HSPG2: variants seen among roughly 807,000 people sequenced by gnomAD.
The protein encoded by HSPG2 is basement membrane-specific heparan sulfate proteoglycan core protein.
In HSPG2, 278 loss-of-function variants were observed where a neutral mutation model predicts 526.6. The observed-to-expected ratio is 0.53, with a 90% CI of 0.48 to 0.58. The LOEUF is 0.58. HSPG2 is among the 20% of genes least tolerant of loss of function. HSPG2 has a pLI of 0.00. For synonymous variants in HSPG2, 2,465 were observed against 2,555.4 expected, an observed-to-expected ratio of 0.96 and a Z score of 1.07; for missense variants, 5,354 against 6,099.5, an observed-to-expected ratio of 0.88 and a Z score of 4.07.
chr1:21,905,231 C>T (rs1217745727), intron 1 of HSPG2, among the ~76,000 whole-genome samples: 1 of 147,642 alleles, frequency 6.8e-6, no homozygotes, highest in African/African-American at 2.5e-5. Flanking sequence ...TCTATGTAAT[C>T]TGTCTACACA....
At chr1:21,936,546 T>C (rs1489641491) in intron 1 of HSPG2, among the ~76,000 whole-genome samples, 3 of 152,190 alleles carry the variant, frequency 2.0e-5, no homozygotes, top group Non-Finnish European at 1.5e-5. Flanking sequence ...AGAGGTTAAC[T>C]AGCGTGCCCC....
rs560481648 is a variant in HSPG2 at position 21,828,892 on chromosome 1, G to A, written c.12180C>T (p.Ser4060=). ...TGTTGGTGGCCGGGGACAGTGGCACGGAAGGCTCCACACCCCCCAGGTAGA... is the reference window on the plus strand; with the variant it reads ...TGTTGGTGGCCGGGGACAGTGGCACAGAAGGCTCCACACCCCCCAGGTAGA... The part of the protein sequence containing the change: ...TLLYLGGVEP[S]VPLSPATNMS... The change falls in exon 88 of 97, where the codon TCC becomes TCT. Residue 4060 remains serine, a synonymous_variant. Transcript: ENST00000374695. The surrounding 1 kb of genome is among the most constrained non-coding windows in gnomAD (Gnocchi z 6.0). 11 of 1,555,138 alleles carry A rather than the reference G, an allele frequency of 7.1e-6. No homozygotes were observed. Among genetic ancestry groups the A allele is most frequent in the Admixed American group, 3.9e-5 (2 of 51,586 alleles).
chr1:21,908,056 T>G, intron 1 of HSPG2: 1 of 742,012 alleles, frequency 1.3e-6, no homozygotes, highest in East Asian at 2.5e-5. Flanking sequence ...AAGTGTTTGC[T>G]GCCTTTCGGC....
At chr1:21,891,802 G>A (rs1462817908) in intron 3 of HSPG2, among the ~76,000 whole-genome samples, 8 of 152,054 alleles carry the variant, frequency 5.3e-5, no homozygotes, top group Admixed American at 5.2e-4. Context: ...ATAGAGATGG[G>A]GTCTTGCTAT....
Position 21,890,146 on chromosome 1 carries a change from G to A in HSPG2, c.414-5C>T. ...AAAACCCAGCCATCCAGCTCCCTGGGGATGGAGACAGGCAGGAGAGGAGGG... is the reference window on the plus strand; with the variant it reads ...AAAACCCAGCCATCCAGCTCCCTGGAGATGGAGACAGGCAGGAGAGGAGGG... On this transcript the variant is annotated splice_polypyrimidine_tract_variant and splice_region_variant and intron_variant, in intron 5 of 96. Transcript: ENST00000374695. The surrounding 1 kb of genome is among the most constrained non-coding windows in gnomAD (Gnocchi z 4.1). 6.2e-7 allele frequency: 1 copy of A among 1,613,980 alleles called. No individual in the cohort carries two copies. Among genetic ancestry groups the A allele is most frequent in the Non-Finnish European group, 8.5e-7 (1 of 1,179,964 alleles).
chr1:21,907,220 AAG>A (rs1464567780), intron 1 of HSPG2, among the ~76,000 whole-genome samples: 67 of 152,278 alleles, frequency 4.4e-4, no homozygotes, highest in African/African-American at 1.5e-3. Flanking sequence ...CCCAGAGAGA[AAG>A]AGAGCTTCGT....
chr1:21,924,259 A>G (rs565881073), intron 1 of HSPG2, among the ~76,000 whole-genome samples: 1 of 152,220 alleles, frequency 6.6e-6, no homozygotes, highest in Admixed American at 6.5e-5. Context: ...GTCACCAGAC[A>G]TCCTGGAAGA....
At position 21,887,419 on chromosome 1, in the gene HSPG2, C is replaced by A. The variant is rs914396179; in HGVS notation, c.958+1G>T. The A allele has an allele frequency of 2.5e-6, 4 of 1,614,064 alleles. No individual in the cohort carries two copies. The highest frequency in any genetic ancestry group is 3.4e-6 in the Non-Finnish European group (4 of 1,179,970). On this transcript the variant is annotated splice_donor_variant, in intron 8 of 96. Coordinates refer to ENST00000374695, the MANE Select transcript of HSPG2 (RefSeq NM_005529.7). LOFTEE classifies it high-confidence loss of function. The surrounding 1 kb of genome is among the most constrained non-coding windows in gnomAD (Gnocchi z 5.0). ...CCACCTGCACCCCTGCCGGTGCGCA[C>A]CACAGTCTAGCTCATCGCTGCCGTC...
rs770820363 is a variant in HSPG2 at position 21,851,635 on chromosome 1, T to C, written c.7069A>G (p.Thr2357Ala). 2.5e-6 allele frequency: 4 copies of C among 1,613,964 alleles called. No individual in the cohort carries two copies. Among genetic ancestry groups the C allele is most frequent in the Non-Finnish European group, 3.4e-6 (4 of 1,180,018 alleles). ...GGCACCACGCAGTTCAGATCCAGGGTCTGCCCTTCCGCCACTTGCGAGGAG... is the reference window on the plus strand; with the variant it reads ...GGCACCACGCAGTTCAGATCCAGGGCCTGCCCTTCCGCCACTTGCGAGGAG... The part of the protein sequence containing the change: ...PSSSQVAEGQ[T>A]LDLNCVVPGQ... Residue 2357 changes from threonine to alanine, a missense_variant, in exon 55 of 97, where the codon ACC becomes GCC. Coordinates refer to ENST00000374695, the MANE Select transcript of HSPG2 (RefSeq NM_005529.7).
chr1:21,926,079 C>G (rs1644183103), intron 1 of HSPG2, among the ~76,000 whole-genome samples: 2 of 152,082 alleles, frequency 1.3e-5, no homozygotes, highest in Non-Finnish European at 2.9e-5. Context: ...ATCTGCCCTC[C>G]TAGGCCTCCC....
intron 39 of HSPG2, among the ~76,000 whole-genome samples, chr1:21,860,944 G>C (rs1639741285): frequency 1.3e-5 from 2 of 152,222 alleles, no homozygotes; most frequent in African/African-American, 4.8e-5. Context: ...AGCATATCAG[G>C]GCTGTGCGGG....
chr1:21,854,499 C>T (rs1273788974), intron 49 of HSPG2, 112 bp downstream of exon 49: 3 of 1,456,730 alleles, frequency 2.1e-6, no homozygotes, highest in Admixed American at 4.1e-5. Flanking sequence ...CTGGCTTCTG[C>T]TGGTGGAACG....
At chr1:21,915,362 G>T (rs1643866166) in intron 1 of HSPG2, among the ~76,000 whole-genome samples, 1 of 152,260 alleles carries the variant, frequency 6.6e-6, no homozygotes, top group Non-Finnish European at 1.5e-5. Context: ...GGAGATTCCA[G>T]ATGCCAGCAG....
At chr1:21,924,337 A>G (rs144384373) in intron 1 of HSPG2, among the ~76,000 whole-genome samples, 18 of 152,312 alleles carry the variant, frequency 1.2e-4, no homozygotes, top group Admixed American at 4.6e-4. Flanking sequence ...CTCGTAAGCT[A>G]TAAGTGCCCA....
chr1:21,869,916 C>T (rs1335401422), intron 33 of HSPG2, among the ~76,000 whole-genome samples: 3 of 152,230 alleles, frequency 2.0e-5, no homozygotes, highest in African/African-American at 7.2e-5. Flanking sequence ...AAAGGGTGCC[C>T]AGCAAGGGAG....
intron 9 of HSPG2, among the ~76,000 whole-genome samples, chr1:21,886,249 G>A (rs895037420): frequency 5.3e-4 from 81 of 152,350 alleles, no homozygotes; most frequent in African/African-American, 1.9e-3. Context: ...AGGCCCCTGA[G>A]AAGGGCCTTC....
chr1:21,933,650 G>A (rs142843980), intron 1 of HSPG2, among the ~76,000 whole-genome samples: 62 of 152,344 alleles, frequency 4.1e-4, no homozygotes, highest in Non-Finnish European at 7.9e-4. Flanking sequence ...GCCAGGCAGG[G>A]GCCACAACTC....
intron 50 of HSPG2, among the ~76,000 whole-genome samples, 179 bp from the exon 51 acceptor site, chr1:21,853,249 C>T (rs1053672518): frequency 6.6e-6 from 1 of 152,222 alleles, no homozygotes; most frequent in African/African-American, 2.4e-5. Context: ...TTCTTCCCTC[C>T]CCAGCCTCTA....
chr1:21,836,725 G>T, intron 75 of HSPG2, 77 bp downstream of exon 75: 1 of 1,280,080 alleles, frequency 7.8e-7, no homozygotes, highest in Non-Finnish European at 1.1e-6. Context: ...GCCCCCTGGG[G>T]CAGGTGCTTT....
Sources: gnomAD v4.1 joint callset for allele counts (sites outside exome capture counted in the v4.1 genomes callset) on GRCh38, gnomAD v4.1.1 for gene constraint, Gnocchi (gnomAD v3.1) non-coding constraint, MANE v1.5 for transcripts, NCBI Gene and HGNC (gene_info 2026-07-23, HGNC 2026-07-21) for gene names.